PLEC: variants seen among roughly 807,000 people sequenced by gnomAD.
PLEC encodes hemidesmosomal protein 1.
A neutral mutation model predicts 392.8 loss-of-function variants in PLEC; 216 were observed. The observed-to-expected ratio is 0.55, with a 90% CI of 0.49 to 0.62. The LOEUF is 0.62. PLEC is among the 20% of genes least tolerant of loss of function. The probability of loss-of-function intolerance (pLI) is 0.00; values close to 1 mark genes in which losing one functional copy is unlikely to be tolerated. For missense variants in PLEC, 6,863 were observed against 6,563.4 expected (o/e 1.05, Z -1.58); for synonymous variants, 3,621 against 2,980.6 (o/e 1.21, Z -7.00).
upstream of PLEC, chr8:143,950,891 C>T (rs538321688): frequency 1.2e-4 from 148 of 1,271,550 alleles, no homozygotes; most frequent in South Asian, 4.3e-4. Flanking sequence ...CTGTGTGGCT[C>T]GTGGCGCCTG....
At position 143,930,206 on chromosome 8, in the gene PLEC, G is replaced by C. The variant is rs376777606; in HGVS notation, c.2550C>G (p.Ala850=). 8.7e-5 allele frequency: 138 copies of C among 1,580,468 alleles called. No homozygotes were observed. The highest frequency in any genetic ancestry group is 7.4e-5 in the Non-Finnish European group (87 of 1,169,516). ...KVLSSSGSEA[A]VPSVCFLVPP... The stretch of plus-strand genomic sequence containing the variant: ...GCACCAGGAAGCACACGGAGGGCAC[G>C]GCGGCCTCGCTGCCGGAGCTGCTGA... Residue 850 remains alanine, a synonymous_variant, in exon 21 of 32, where the codon GCC becomes GCG. Coordinates refer to ENST00000345136, the MANE Select transcript of PLEC (RefSeq NM_201384.3).
In PLEC at chr8:143,929,937, G is replaced by A. The variant is rs782128136; in HGVS notation, c.2738C>T (p.Thr913Met). The A allele has an allele frequency of 2.0e-5, 32 of 1,609,680 alleles. No homozygotes were observed. In the Middle Eastern group the frequency reaches 6.6e-4, roughly 33 times the overall value. Reference protein sequence around the residue: ...VQLIRSWSLATFRTLKPEEQR... With the variant: ...VQLIRSWSLAMFRTLKPEEQR... ...CCCCCGGCTCGGGGGCAGGCGTACCGTGGCCAGGGACCAGGAGCGGATGAG... is the reference window on the plus strand; with the variant it reads ...CCCCCGGCTCGGGGGCAGGCGTACCATGGCCAGGGACCAGGAGCGGATGAG... The change falls in exon 22 of 32, where the codon ACG becomes ATG. Residue 913 changes from threonine to methionine, a missense_variant and splice_region_variant. By Grantham distance (81) the Thr-to-Met change is moderately conservative. Coordinates refer to ENST00000345136, the MANE Select transcript of PLEC (RefSeq NM_201384.3).
Position 143,923,678 on chromosome 8 carries a change from T to A in PLEC, c.6251A>T (p.Glu2084Val). Residue 2084 changes from glutamate (E) to valine (V), a missense_variant, in exon 31 of 32, where the codon GAG becomes GTG. By Grantham distance (121) the Glu-to-Val change is moderately radical (BLOSUM62 -2). Coordinates refer to ENST00000345136, the MANE Select transcript of PLEC (RefSeq NM_201384.3). ...CTCCTCAGCCGCCCGCCGGGCCGCC[T>A]CCGCCTCGCCGCGCAGCTGGTCCAG... is the stretch of plus-strand genomic sequence containing the variant. ...SVLDQLRGEA[E>V]AARRAAEEAE... 1 of 1,552,504 alleles carries A rather than the reference T, an allele frequency of 6.4e-7. No individual in the cohort carries two copies. The highest frequency in any genetic ancestry group is 8.7e-7 in the Non-Finnish European group (1 of 1,155,574).
intron 1 of PLEC, among the ~76,000 whole-genome samples, chr8:143,960,724 AGTAGACAGAGAAGTCTTGCTCCC>A (rs1264194111): frequency 6.6e-6 from 1 of 152,242 alleles, no homozygotes; most frequent in African/African-American, 2.4e-5. Flanking sequence ...AAACACTGAG[AGTAGACAGAGAAGTCTTGCTCCC>A]CTCCCTTCTC....
upstream of PLEC, chr8:143,973,561 GCCGCCCCCGCCCCGCCCCCGCC>G: frequency 9.6e-7 from 1 of 1,042,180 alleles, no homozygotes; most frequent in South Asian, 4.5e-5. This position sits in a 1 kb window ranked among gnomAD's most constrained non-coding sequence, Gnocchi z 5.6. Context: ...GCTTAAAGAG[GCCGCCCCCGCCCCGCCCCCGCC>G]CCGCCCCCGC....
At chr8:143,953,922 C>A, upstream of PLEC, 1 of 1,443,422 alleles carries the variant, frequency 6.9e-7, no homozygotes, top group Non-Finnish European at 9.1e-7. Flanking sequence ...CTGATCAATG[C>A]GCCGGACAGG....
chr8:143,959,800 T>G (rs12548970), intron 1 of PLEC, among the ~76,000 whole-genome samples: 231 of 149,316 alleles, frequency 1.5e-3, no homozygotes, highest in Middle Eastern at 3.5e-3. Flanking sequence ...ATTGAGACCA[T>G]CCTGGCTAAC....
At position 143,922,333 on chromosome 8, in the gene PLEC, G is replaced by C; in HGVS notation, c.7488C>G (p.Leu2496=). The change falls in exon 32 of 32, where the codon CTC becomes CTG. Residue 2496 remains leucine, a synonymous_variant. Transcript: ENST00000345136. ...GCTGTAGCAGGCTGTCCTTTTCAGA[G>C]AGGAAGCTTTGCTGCAGGGCCTGCG... The part of the protein sequence containing the change: ...QETQALQQSF[L]SEKDSLLQRE... The C allele has an allele frequency of 2.5e-6, 4 of 1,606,652 alleles. No homozygotes were observed. The highest frequency in any genetic ancestry group is 3.4e-6 in the Non-Finnish European group (4 of 1,179,958).
rs781884905 is a variant in PLEC at position 143,937,169 on chromosome 8, C to T, written c.338G>A (p.Arg113His). Residue 113 changes from arginine (R) to histidine (H), a missense_variant, in exon 4 of 32, where the codon CGC (arginine) becomes CAC (histidine). Coordinates refer to ENST00000345136, the MANE Select transcript of PLEC (RefSeq NM_201384.3). ...VQIALDYLRH[R>H]QVKLVNIRND... is the part of the protein sequence containing the mutation. ...GGGCCTGCCGGGCAGCCTTACCTGG[C>T]GGTGCCGGAGGTAGTCCAGGGCAAT... 58 of 1,611,932 alleles carry T rather than the reference C, an allele frequency of 3.6e-5. No individual in the cohort carries two copies. The highest frequency in any genetic ancestry group is 4.5e-5 in the East Asian group (2 of 44,876).
chr8:143,970,295 C>T (rs1361534724), intron 1 of PLEC, among the ~76,000 whole-genome samples: 1 of 146,490 alleles, frequency 6.8e-6, no homozygotes, highest in East Asian at 2.0e-4. Flanking sequence ...AAGTAAAACG[C>T]TCCAAAAAAA....
At chr8:143,932,090 G>A (rs782416440) in intron 17 of PLEC, 40 bp downstream of exon 17, 22 of 1,573,262 alleles carry the variant, frequency 1.4e-5, no homozygotes, top group East Asian at 1.1e-4. Flanking sequence ...GACCCGGCAC[G>A]GCCCCCCCCG....
rs1554700249 is a variant in PLEC, at chr8:143,925,005, G to A, written c.4924C>T (p.Leu1642=). Residue 1642 remains leucine (L), a synonymous_variant, in exon 31 of 32, where the codon CTA becomes TTA. Coordinates refer to ENST00000345136, the MANE Select transcript of PLEC (RefSeq NM_201384.3). The part of the protein sequence containing the change: ...ERWQLKANEA[L]RLRLQAEEVA... ...TCCTCCGCCTGCAGCCGCAGCCGTA[G>A]CGCCTCGTTGGCCTTGAGCTGCCAG... 1 of 1,572,932 alleles carries A rather than the reference G, an allele frequency of 6.4e-7. No individual in the cohort carries two copies. The highest frequency in any genetic ancestry group is 8.6e-7 in the Non-Finnish European group (1 of 1,168,042).
rs781788497 is a variant in PLEC at position 143,919,669 on chromosome 8, C to T, written c.10152G>A (p.Thr3384=). ...AMRRGLLRAT[T]AALLLEAQAA... ...CCTGCGCCTCCAGCAGGAGCGCAGC[C>T]GTTGTGGCTCTCAGCAGGCCCCGGC... Residue 3384 remains threonine, a synonymous_variant, in exon 32 of 32, where the codon ACG becomes ACA. Transcript: ENST00000345136. 2.1e-5 allele frequency: 33 copies of T among 1,597,158 alleles called. No individual in the cohort carries two copies. In the East Asian group the frequency reaches 2.2e-4, roughly 11 times the overall value.
intron 19 of PLEC, 68 bp from the exon 20 acceptor site, chr8:143,930,604 G>C: frequency 6.6e-7 from 1 of 1,513,072 alleles, no homozygotes; most frequent in South Asian, 1.2e-5. Flanking sequence ...GGCACCCCCA[G>C]ACCCCGGGAC....
chr8:143,953,978 C>A (rs1161646831), upstream of PLEC: 4 of 1,282,426 alleles, frequency 3.1e-6, no homozygotes, highest in African/African-American at 3.2e-5. Flanking sequence ...ACCCCTCCCC[C>A]CCAGCCTGTG....
upstream of PLEC, among the ~76,000 whole-genome samples, chr8:143,957,084 CG>C (rs781976540): frequency 2.1e-4 from 32 of 152,064 alleles, no homozygotes; most frequent in Non-Finnish European, 4.3e-4. Flanking sequence ...CGCCTGGAGA[CG>C]GGGCTACAGC....
At position 143,930,192 on chromosome 8, in the gene PLEC, C is replaced by G. The variant is rs782682000; in HGVS notation, c.2564G>C (p.Cys855Ser). Residue 855 changes from cysteine (C) to serine (S), a missense_variant, in exon 21 of 32, where the codon TGC (cysteine) becomes TCC (serine). Transcript: ENST00000345136. ...CTGGTTGGGCGGGGGCACCAGGAAGCACACGGAGGGCACGGCGGCCTCGCT... is the reference window on the plus strand; with the variant it reads ...CTGGTTGGGCGGGGGCACCAGGAAGGACACGGAGGGCACGGCGGCCTCGCT... ...SGSEAAVPSV[C>S]FLVPPPNQEA... 1.3e-6 allele frequency: 2 copies of G among 1,580,968 alleles called. No homozygotes were observed. The highest frequency in any genetic ancestry group is 2.3e-5 in the South Asian group (2 of 88,468).
rs1256032019 is a variant in PLEC at position 143,973,157 on chromosome 8, G to A, written c.70+246C>T. ...CGACAAGCCCTGAGCGCCCCCACCC[G>A]CCCGCGGCCCACCCCACCCACCCGA... On this transcript the variant is annotated intron_variant, in intron 1 of 31. Coordinates refer to the PLEC transcript ENST00000356346. This position sits in a 1 kb window ranked among gnomAD's most constrained non-coding sequence, Gnocchi z 5.6. Among the ~76,000 whole-genome samples the A allele has an allele frequency of 7.3e-5, 11 of 151,124 alleles. No individual in the cohort carries two copies. The highest frequency in any genetic ancestry group is 2.4e-4 in the African/African-American group (10 of 41,196).
intron 3 of PLEC, chr8:143,937,729 C>T (rs546504552): frequency 6.1e-6 from 3 of 491,982 alleles, no homozygotes; most frequent in African/African-American, 1.9e-5. Context: ...CCGCTGCAGC[C>T]GGCAGGCACA....
Sources: gnomAD v4.1 joint callset for allele counts (sites outside exome capture counted in the v4.1 genomes callset) on GRCh38, gnomAD v4.1.1 for gene constraint, Gnocchi (gnomAD v3.1) non-coding constraint, MANE v1.5 for transcripts, NCBI Gene and HGNC (gene_info 2026-07-23, HGNC 2026-07-21) for gene names.